Variants in CRACD observed in about 807,000 individuals in gnomAD.
CRACD encodes capping protein-inhibiting regulator of actin dynamics.
CRACD carries 56 observed loss-of-function variants against 106.8 expected under a neutral mutation model. The observed-to-expected ratio is 0.52, with a 90% CI of 0.42 to 0.66. CRACD has a LOEUF of 0.66. Among genes scored for constraint, CRACD ranks in the 30% least tolerant of loss-of-function variants. The pLI, the probability that CRACD is intolerant of heterozygous loss-of-function variation, is 0.00. For missense variants in CRACD, 1,730 were observed against 1,623.2 expected (o/e 1.07, Z -1.13); for synonymous variants, 754 against 670.8 (o/e 1.12, Z -1.92).
At chr4:56,210,507 AT>A (rs1462353809) in intron 2 of CRACD, among the ~76,000 whole-genome samples, 1 of 152,180 alleles carries the variant, frequency 6.6e-6, no homozygotes, top group Non-Finnish European at 1.5e-5. Flanking sequence ...GCTTAAAACA[AT>A]TGTTAGGGAG....
intron 1 of CRACD, among the ~76,000 whole-genome samples, chr4:56,127,506 T>C (rs981676948): frequency 2.6e-5 from 4 of 152,196 alleles, no homozygotes; most frequent in Admixed American, 6.5e-5. Context: ...TTACTGAAAT[T>C]ATGTTTCCTA....
intron 1 of CRACD, among the ~76,000 whole-genome samples, chr4:56,124,713 T>C (rs1734604106): frequency 6.6e-6 from 1 of 152,232 alleles, no homozygotes; most frequent in Non-Finnish European, 1.5e-5. Flanking sequence ...CTCTTTTTTT[T>C]CTTAACATTT....
chr4:56,078,471 A>G (rs1265035742), intron 1 of CRACD, among the ~76,000 whole-genome samples: 1 of 152,096 alleles, frequency 6.6e-6, no homozygotes, highest in East Asian at 1.9e-4. Context: ...CAGTGGTGTG[A>G]TCATAGCTCA....
rs773479718 is a variant in CRACD, at chr4:56,313,369, G to A, written c.527G>A (p.Arg176His). ...CAGAGGGTGTCAAAGAAGCACAGGCGCCTTGCCCAGGTGTGTAGAGCCTGC... is the reference window on the plus strand; with the variant it reads ...CAGAGGGTGTCAAAGAAGCACAGGCACCTTGCCCAGGTGTGTAGAGCCTGC... ...KKQRVSKKHR[R>H]LAQDPQHEQG... is the part of the protein sequence containing the mutation. Residue 176 changes from arginine to histidine, a missense_variant, in exon 7 of 11, where the codon CGC (arginine) becomes CAC (histidine). This residue lies in a region of CRACD where 1,620 missense variants were observed against 1,481.6 expected (regional missense o/e 1.09). Coordinates refer to ENST00000682029, the MANE Select transcript of CRACD (RefSeq NM_001393381.1). The A allele has an allele frequency of 3.1e-6, 5 of 1,613,374 alleles. No individual in the cohort carries two copies. The highest frequency in any genetic ancestry group is 1.7e-5 in the Admixed American group (1 of 59,996).
intron 1 of CRACD, among the ~76,000 whole-genome samples, chr4:56,129,913 A>C (rs1734772308): frequency 6.6e-6 from 1 of 152,206 alleles, no homozygotes. Flanking sequence ...AAGTGAGAAT[A>C]GTCTTGAAGA....
intron 2 of CRACD, among the ~76,000 whole-genome samples, chr4:56,186,033 T>G (rs964927417): frequency 2.0e-5 from 3 of 152,172 alleles, no homozygotes; most frequent in Non-Finnish European, 2.9e-5. Context: ...TAGAGGCTGC[T>G]CCGGGAGGGC....
Position 56,272,469 on chromosome 4 carries a change from G to A in CRACD, c.-40G>A, listed in dbSNP as rs558208064. ...GCAATGGGACCTTCTCTTCGGATGA[G>A]GAGACCCTGGAAGACAATCTAAGGT... On this transcript the variant is annotated 5_prime_UTR_variant, in exon 3 of 11. Coordinates refer to ENST00000682029, the MANE Select transcript of CRACD (RefSeq NM_001393381.1). 2 of 152,772 alleles carry A rather than the reference G, an allele frequency of 1.3e-5. No homozygotes were observed. The highest frequency in any genetic ancestry group is 2.1e-4 in the South Asian group (1 of 4,826). 9.5% of individuals were successfully genotyped at this position (152,772 alleles called of 1,614,324 possible).
rs191200278 is a variant in CRACD, at chr4:56,169,807, A to C, written c.-335-9477A>C. On this transcript the variant is annotated intron_variant, in intron 1 of 10. Transcript: ENST00000682029. ...CGACTGGCCCGTTAAGAGTATTGTT[A>C]ATCTTTAACCATTTGTTCTGCAGCC... Among the ~76,000 whole-genome samples the C allele has an allele frequency of 5.9e-5, 9 of 152,158 alleles. No individual in the cohort carries two copies. The East Asian group carries it at 1.4e-3, about 23-fold the overall frequency.
intron 1 of CRACD, among the ~76,000 whole-genome samples, chr4:56,153,843 C>T (rs1735672978): frequency 6.6e-6 from 1 of 152,154 alleles, no homozygotes; most frequent in Admixed American, 6.6e-5. Flanking sequence ...GTCCTTTTGC[C>T]CTTTACTAGC....
intron 1 of CRACD, among the ~76,000 whole-genome samples, chr4:56,091,919 T>C (rs568641954): frequency 5.9e-5 from 9 of 152,140 alleles, no homozygotes; most frequent in Non-Finnish European, 1.2e-4. Context: ...TCTGCTGTTA[T>C]GGAGCTTAAA....
At chr4:56,079,348 G>C (rs950224017) in intron 1 of CRACD, among the ~76,000 whole-genome samples, 1 of 151,662 alleles carries the variant, frequency 6.6e-6, no homozygotes, top group Admixed American at 6.6e-5. Flanking sequence ...CTTCATGTTT[G>C]AATCATCATT....
intron 1 of CRACD, among the ~76,000 whole-genome samples, chr4:56,108,356 TCA>T (rs1734013706): frequency 1.3e-5 from 2 of 151,994 alleles, no homozygotes; most frequent in Non-Finnish European, 2.9e-5. Flanking sequence ...TGCACAAACC[TCA>T]GTCTGTGCAT....
intron 1 of CRACD, among the ~76,000 whole-genome samples, chr4:56,154,789 A>G (rs1735713707): frequency 6.6e-6 from 1 of 152,152 alleles, no homozygotes; most frequent in African/African-American, 2.4e-5. Flanking sequence ...ATTGTCTTTT[A>G]GAAGGTTTTG....
intron 1 of CRACD, among the ~76,000 whole-genome samples, chr4:56,174,044 T>C (rs1026416566): frequency 2.0e-5 from 3 of 152,246 alleles, no homozygotes; most frequent in Admixed American, 6.5e-5. Flanking sequence ...AAATCCTTTG[T>C]CCATTAAATA....
At chr4:56,274,144 G>A (rs565218937) in intron 3 of CRACD, among the ~76,000 whole-genome samples, 13 of 152,334 alleles carry the variant, frequency 8.5e-5, no homozygotes, top group Admixed American at 2.6e-4. Flanking sequence ...TGAAAGGAGA[G>A]CACAGCTAGT....
Position 56,318,381 on chromosome 4 carries a change from T to C in CRACD, c.3187+1692T>C, listed in dbSNP as rs1443628376. 2.6e-5 allele frequency among the ~76,000 whole-genome samples: 4 copies of C among 152,136 alleles called. No individual in the cohort carries two copies. In the East Asian group the frequency reaches 7.7e-4, roughly 29 times the overall value. ...CAGTTTCTAGACCATTTCTCCCTAA[T>C]GATTTCTGTTTGTCCTGCTGGATGA... On this transcript the variant is annotated intron_variant, in intron 8 of 10. Transcript: ENST00000682029.
intron 1 of CRACD, among the ~76,000 whole-genome samples, chr4:56,057,625 G>GTTT (rs1196589410): frequency 0.037 from 4,605 of 124,968 alleles, 197 homozygotes; most frequent in African/African-American, 0.096. Context: ...GATAGGTTGG[G>GTTT]TTTTTTTTTT....
rs199657400 is a variant in CRACD at position 56,072,141 on chromosome 4, AAAAG to A, written c.-336+22846_-336+22849del. Among the ~76,000 whole-genome samples, 65 of 151,588 alleles carry A rather than the reference AAAAG, an allele frequency of 4.3e-4. 2 individuals are homozygous for A. Among genetic ancestry groups the A allele is most frequent in the African/African-American group, 1.6e-3 (64 of 41,214 alleles). ...AGACTCCGTCTCAAAAAAAAAAAAA[AAAAG>A]AAAAGTTTCAGAATTGGGACATTTG... On this transcript the variant is annotated intron_variant, in intron 1 of 10. Coordinates refer to ENST00000682029, the MANE Select transcript of CRACD (RefSeq NM_001393381.1).
chr4:56,305,596 TC>T (rs967621601), intron 4 of CRACD, among the ~76,000 whole-genome samples: 3 of 152,174 alleles, frequency 2.0e-5, no homozygotes, highest in Non-Finnish European at 4.4e-5. Flanking sequence ...TTCAGCCTTC[TC>T]CTCCCCACAA....
Sources: gnomAD v4.1 joint callset for allele counts (sites outside exome capture counted in the v4.1 genomes callset) on GRCh38, gnomAD v4.1.1 for gene constraint, gnomAD v4.1.1 regional missense constraint, MANE v1.5 for transcripts, NCBI Gene and HGNC (gene_info 2026-07-23, HGNC 2026-07-21) for gene names.